Variants in SZT2 observed in about 807,000 individuals in gnomAD.
SZT2 encodes the protein KICSTOR complex protein SZT2.
A neutral mutation model predicts 404.2 loss-of-function variants in SZT2; 216 were observed. The observed-to-expected ratio is 0.53, with a 90% CI of 0.48 to 0.60. SZT2 has a LOEUF of 0.60. Ranked by LOEUF, SZT2 falls within the 20% of genes least tolerant of loss-of-function variation. SZT2 has a pLI of 0.00. For missense variants in SZT2, 3,857 were observed against 4,459.2 expected (o/e 0.86, Z 3.85); for synonymous variants, 1,693 against 1,749.9 (o/e 0.97, Z 0.81).
chr1:43,428,574 G>A lies in SZT2; in HGVS notation c.4166+88G>A, dbSNP rs41270351. The A allele has an allele frequency of 4.7e-4, 713 of 1,527,070 alleles. 2 individuals carry two copies. The highest frequency in any genetic ancestry group is 2.9e-3 in the Middle Eastern group (14 of 4,876). 94.6% of individuals were successfully genotyped at this position (1,527,070 alleles called of 1,614,324 possible). A position where few individuals can be genotyped will look rare whatever the true frequency, so the allele number is the denominator to read the frequency against. The stretch of plus-strand genomic sequence containing the variant: ...CCTTCCAGTCCAGGGGAATGACTGT[G>A]CAAGGTAGTATCTAAGCACCTGAGA... On this transcript the variant is annotated intron_variant, in intron 28 of 71. Coordinates refer to ENST00000634258, the MANE Select transcript of SZT2 (RefSeq NM_001365999.1).
chr1:43,404,107 T>C, intron 3 of SZT2: 1 of 513,388 alleles, frequency 1.9e-6, no homozygotes. Flanking sequence ...CTCGGGAGGC[T>C]GAGGTGGGAG....
At chr1:43,422,657 C>A in intron 13 of SZT2, 25 bp downstream of exon 13, 4 of 1,250,822 alleles carry the variant, frequency 3.2e-6, no homozygotes, top group Non-Finnish European at 4.1e-6. Context: ...GTCCCTTCAC[C>A]CCCCGCCCCC....
At chr1:43,422,676 C>T (rs1219479381) in intron 13 of SZT2, 44 bp downstream of exon 13, 1 of 1,118,664 alleles carries the variant, frequency 8.9e-7, no homozygotes, top group Non-Finnish European at 1.2e-6. Flanking sequence ...CCCCACCCCC[C>T]CGCCACCTCA....
In SZT2 at chr1:43,426,878, C is replaced by G; in HGVS notation, c.3309+69C>G. 1.3e-6 allele frequency: 2 copies of G among 1,571,558 alleles called. No homozygotes were observed. The highest frequency in any genetic ancestry group is 2.3e-5 in the South Asian group (2 of 88,284). The stretch of plus-strand genomic sequence containing the variant: ...CCTTCCAGCACCACATCTTCAGGCC[C>G]CAACCTTCTACCGCCCTTGAGACTA... On this transcript the variant is annotated intron_variant, in intron 23 of 71. Coordinates refer to ENST00000634258, the MANE Select transcript of SZT2 (RefSeq NM_001365999.1). This position sits in a 1 kb window ranked among gnomAD's most constrained non-coding sequence, Gnocchi z 4.9.
rs1480509652 is a variant in SZT2 at position 43,441,869 on chromosome 1, AG to A, written c.7742+52del. On this transcript the variant is annotated intron_variant, in intron 55 of 71. Transcript: ENST00000634258. The surrounding 1 kb of genome is among the most constrained non-coding windows in gnomAD (Gnocchi z 4.8). Reference sequence around the variant, plus strand: ...AGGGAACTCCCCTAGACTTCCTAAAAGCTGGGCCTACAGGAAGCCAAACCTG... The same window carrying A: ...AGGGAACTCCCCTAGACTTCCTAAAACTGGGCCTACAGGAAGCCAAACCTG... 1 of 1,604,670 alleles carries A rather than the reference AG, an allele frequency of 6.2e-7. No individual in the cohort carries two copies. Among genetic ancestry groups the A allele is most frequent in the African/African-American group, 1.3e-5 (1 of 74,724 alleles).
intron 1 of SZT2, among the ~76,000 whole-genome samples, chr1:43,394,952 T>C (rs1053039182): frequency 6.6e-6 from 1 of 152,160 alleles, no homozygotes; most frequent in Non-Finnish European, 1.5e-5. Context: ...AGGGGGATGT[T>C]GCAAGAAGAC....
intron 70 of SZT2, chr1:43,449,815 A>G: frequency 1.9e-6 from 1 of 520,602 alleles, no homozygotes; most frequent in Non-Finnish European, 3.5e-6. Flanking sequence ...AGGTTGTGCC[A>G]GGGGTACAGC....
rs372615024 is a variant in SZT2, at chr1:43,427,682, G to A, written c.3751G>A (p.Glu1251Lys). 3.1e-6 allele frequency: 5 copies of A among 1,614,024 alleles called. No individual in the cohort carries two copies. The African/African-American group carries it at 6.7e-5, about 22-fold the overall frequency. Reference sequence around the variant, plus strand: ...CAGCTGTTCACTGGAAGCGCTGAGGGAACAAATGGTTGGCATGCAGCCCCC... The same window carrying A: ...CAGCTGTTCACTGGAAGCGCTGAGGAAACAAATGGTTGGCATGCAGCCCCC... ...IYSCSLEALR[E>K]QMVGMQPPQA... The change falls in exon 26 of 72, where the codon GAA (glutamate) becomes AAA (lysine). Residue 1251 changes from glutamate (E) to lysine (K), a missense_variant. Physicochemically the swap from Glu to Lys is moderately conservative, Grantham distance 56. This residue lies in a region of SZT2 where 1,725 missense variants were observed against 1,881.0 expected (regional missense o/e 0.92). Transcript: ENST00000634258.
intron 28 of SZT2, 67 bp downstream of exon 28, chr1:43,428,553 C>A (rs1270159123): frequency 3.2e-6 from 5 of 1,567,460 alleles, no homozygotes; most frequent in Non-Finnish European, 4.3e-6. Flanking sequence ...CAAGGACCTT[C>A]CAGTCCAGGG....
Position 43,404,375 on chromosome 1 carries a change from C to T in SZT2, c.328-5C>T, listed in dbSNP as rs1243489791. 3.7e-6 allele frequency: 6 copies of T among 1,610,472 alleles called. No individual in the cohort carries two copies. In the East Asian group the frequency reaches 6.7e-5, roughly 18 times the overall value. The stretch of plus-strand genomic sequence containing the variant: ...CCCCCTTGAGTGCTCTTTCTCTGCC[C>T]TCAGGATGATTCCACAGGGGAGATC... On this transcript the variant is annotated splice_polypyrimidine_tract_variant and splice_region_variant and intron_variant, in intron 3 of 71. Transcript: ENST00000634258.
chr1:43,430,535 C>T lies in SZT2; in HGVS notation c.4520C>T (p.Pro1507Leu), dbSNP rs1653741858. The change falls in exon 32 of 72, where the codon CCA (proline) becomes CTA (leucine). Residue 1507 changes from proline to leucine, a missense_variant. Pro to Leu is a moderately conservative substitution (Grantham distance 98). Transcript: ENST00000634258. ...TGCTGTGTGGTCACTGAGAGTGACC[C>T]AGAGCTAGAGGTAGAATACCGGGAG... The part of the protein sequence containing the change: ...SACCVVTESD[P>L]ELEVEYRESR... 6.2e-7 allele frequency: 1 copy of T among 1,614,186 alleles called. No individual in the cohort carries two copies. Among genetic ancestry groups the T allele is most frequent in the Admixed American group, 1.7e-5 (1 of 60,022 alleles).
chr1:43,410,855 G>A (rs956570424), intron 4 of SZT2, among the ~76,000 whole-genome samples: 1 of 152,074 alleles, frequency 6.6e-6, no homozygotes, highest in Non-Finnish European at 1.5e-5. Context: ...GGCGAGGAAC[G>A]GGGGCTTGAG....
chr1:43,428,554 C>T, intron 28 of SZT2, 68 bp downstream of exon 28: 5 of 1,566,610 alleles, frequency 3.2e-6, no homozygotes, highest in Non-Finnish European at 4.3e-6. Flanking sequence ...AAGGACCTTC[C>T]AGTCCAGGGG....
At position 43,447,854 on chromosome 1, in the gene SZT2, G is replaced by T; in HGVS notation, c.9446G>T (p.Gly3149Val). ...YALVSAWHSS[G>V]SYLDSEGLRH... Reference sequence around the variant, plus strand: ...CCCCAACCCGTCCTGCACAGTTCTGGCTCCTACCTGGACTCTGAGGGACTT... The same window carrying T: ...CCCCAACCCGTCCTGCACAGTTCTGTCTCCTACCTGGACTCTGAGGGACTT... Residue 3149 changes from glycine (G) to valine (V), a missense_variant, in exon 68 of 72, where the codon GGC becomes GTC. Physicochemically the swap from Gly to Val is moderately radical, Grantham distance 109 (BLOSUM62 -3). Transcript: ENST00000634258. 6.2e-7 allele frequency: 1 copy of T among 1,614,040 alleles called. No homozygotes were observed. The highest frequency in any genetic ancestry group is 8.5e-7 in the Non-Finnish European group (1 of 1,179,998).
chr1:43,411,769 CTTTTTTTT>C (rs386366817), intron 4 of SZT2, among the ~76,000 whole-genome samples: 3 of 74,056 alleles, frequency 4.1e-5, no homozygotes, highest in African/African-American at 1.9e-4. Flanking sequence ...CATCCACTAT[CTTTTTTTT>C]TTTTTTTTTT....
chr1:43,428,307 C>A lies in SZT2; in HGVS notation c.3987C>A (p.Ala1329=), dbSNP rs558274739. 1.2e-5 allele frequency: 19 copies of A among 1,614,156 alleles called. No individual in the cohort carries two copies. The East Asian group carries it at 3.1e-4, about 27-fold the overall frequency. ...TSQDLLTAVD[A]CEELLQEIDI... is the part of the protein sequence containing the mutation. The stretch of plus-strand genomic sequence containing the variant: ...AGGATTTGCTGACAGCGGTAGATGC[C>A]TGTGAGGAGCTACTACAAGAAATAG... Residue 1329 remains alanine (A), a synonymous_variant, in exon 28 of 72, where the codon GCC becomes GCA. Coordinates refer to ENST00000634258, the MANE Select transcript of SZT2 (RefSeq NM_001365999.1).
At chr1:43,429,665 G>A (rs759485379) in intron 28 of SZT2, 38 bp from the exon 29 acceptor site, 3 of 1,613,726 alleles carry the variant, frequency 1.9e-6, no homozygotes, top group Non-Finnish European at 2.5e-6. Flanking sequence ...GAGCTTGATG[G>A]TTCTTAACAC....
Position 43,453,313 on chromosome 1 carries a change from T to TG in SZT2, c.*2835dup. 1.1e-6 allele frequency: 1 copy of TG among 913,718 alleles called. No homozygotes were observed. The highest frequency in any genetic ancestry group is 1.6e-5 in the South Asian group (1 of 62,696). 56.6% of individuals were successfully genotyped at this position (913,718 alleles called of 1,614,324 possible). ...CTCAGACTTCTGAGCGTCTCAGATC[T>TG]GGCGTCCTCGACTCCCTGAACCTGC... On this transcript the variant is annotated 3_prime_UTR_variant, in exon 72 of 72. Coordinates refer to ENST00000634258, the MANE Select transcript of SZT2 (RefSeq NM_001365999.1).
rs1045638394 is a variant in SZT2 at position 43,430,066 on chromosome 1, A to T, written c.4364A>T (p.His1455Leu). Residue 1455 changes from histidine (H) to leucine (L), a missense_variant, in exon 30 of 72, where the codon CAC becomes CTC. Coordinates refer to ENST00000634258, the MANE Select transcript of SZT2 (RefSeq NM_001365999.1). ...LHFRTVPSNPHYFFYCPPSSR... is the reference protein window; with the variant it reads ...LHFRTVPSNPLYFFYCPPSSR... ...TTCCGCACAGTGCCTTCCAATCCCC[A>T]CTACTTCTTCTATTGCCCTCCATCC... The T allele has an allele frequency of 1.9e-6, 3 of 1,614,084 alleles. No individual in the cohort carries two copies. Among genetic ancestry groups the T allele is most frequent in the Non-Finnish European group, 2.5e-6 (3 of 1,180,006 alleles).
Sources: allele counts gnomAD v4.1 joint callset (sites outside exome capture counted in the v4.1 genomes callset), GRCh38; gene constraint gnomAD v4.1.1; regional missense constraint gnomAD v4.1.1; non-coding constraint Gnocchi (gnomAD v3.1); transcripts MANE v1.5; gene names NCBI Gene and HGNC (gene_info 2026-07-23, HGNC 2026-07-21).